Variants in GPC5 observed in about 807,000 individuals in gnomAD.
GPC5 encodes the protein glypican-5.
Under a neutral mutation model 53.9 loss-of-function variants are expected in GPC5, and 47 were observed. The ratio of observed to expected loss-of-function variants is 0.87; its 90% CI spans 0.69 to 1.11. The LOEUF is 1.11. Among genes scored for constraint, GPC5 ranks in the 50% most tolerant of loss-of-function variants. The probability of loss-of-function intolerance (pLI) is 0.00; values close to 1 mark genes in which losing one functional copy is unlikely to be tolerated. For missense variants in GPC5, 748 were observed against 713.1 expected (o/e 1.05, Z -0.56); for synonymous variants, 286 against 263.3 (o/e 1.09, Z -0.84).
chr13:91,666,354 A>G lies in GPC5; in HGVS notation c.326-26833A>G, dbSNP rs867102170. ...ATTTTAAAAACATCTTTAAATGTGG[A>G]TATTTCAAATAATTTAATTATTTTC... is the stretch of plus-strand genomic sequence containing the variant. On this transcript the variant is annotated intron_variant, in intron 2 of 7. Coordinates refer to ENST00000377067, the MANE Select transcript of GPC5 (RefSeq NM_004466.6). 3.3e-5 allele frequency among the ~76,000 whole-genome samples: 5 copies of G among 152,340 alleles called. No homozygotes were observed. In the Middle Eastern group the frequency reaches 0.014, roughly 415 times the overall value.
intron 3 of GPC5, among the ~76,000 whole-genome samples, chr13:91,717,776 C>T (rs574449495): frequency 2.0e-5 from 3 of 152,018 alleles, no homozygotes; most frequent in South Asian, 2.1e-4. Context: ...AGGCTGGTCT[C>T]GAACTCCTGA....
intron 7 of GPC5, among the ~76,000 whole-genome samples, chr13:92,357,345 T>G (rs946071392): frequency 6.6e-6 from 1 of 151,750 alleles, no homozygotes; most frequent in Non-Finnish European, 1.5e-5. Context: ...AGAGTAAAAG[T>G]GTTCCTTTTT....
chr13:92,617,217 G>C (rs543767154), intron 7 of GPC5, among the ~76,000 whole-genome samples: 1 of 152,086 alleles, frequency 6.6e-6, no homozygotes, highest in African/African-American at 2.4e-5. Flanking sequence ...TTCTATCAGA[G>C]GTTGTCCGCT....
intron 2 of GPC5, among the ~76,000 whole-genome samples, chr13:91,490,391 A>C (rs1883877054): frequency 6.6e-6 from 1 of 152,148 alleles, no homozygotes; most frequent in Non-Finnish European, 1.5e-5. Flanking sequence ...AAAGGTAATG[A>C]TTTTGGATCT....
intron 2 of GPC5, among the ~76,000 whole-genome samples, chr13:91,452,080 G>A (rs1881219312): frequency 6.6e-6 from 1 of 152,028 alleles, no homozygotes. Flanking sequence ...AACTTGCCAG[G>A]CTAAAGTGTT....
chr13:92,246,419 G>A (rs1436997972), intron 7 of GPC5, among the ~76,000 whole-genome samples: 7 of 152,076 alleles, frequency 4.6e-5, no homozygotes, highest in African/African-American at 1.7e-4. Flanking sequence ...GTAGGAGGGA[G>A]AATCTTAGCT....
chr13:92,776,320 T>G (rs1875803136), intron 7 of GPC5, among the ~76,000 whole-genome samples: 2 of 152,126 alleles, frequency 1.3e-5, no homozygotes, highest in Non-Finnish European at 2.9e-5. Flanking sequence ...TCTCTCTCTT[T>G]CTTACACATA....
chr13:92,719,154 G>A (rs1190252736), intron 7 of GPC5, among the ~76,000 whole-genome samples: 3 of 151,064 alleles, frequency 2.0e-5, no homozygotes, highest in African/African-American at 4.9e-5. Flanking sequence ...GAAATACATA[G>A]ATGATTCCTA....
At chr13:92,792,917 C>T (rs1409417628) in intron 7 of GPC5, among the ~76,000 whole-genome samples, 1 of 152,100 alleles carries the variant, frequency 6.6e-6, no homozygotes, top group Non-Finnish European at 1.5e-5. Flanking sequence ...GAGACTTAGA[C>T]TCCCACACAA....
chr13:92,199,918 G>T (rs1003687548), intron 7 of GPC5, among the ~76,000 whole-genome samples: 3 of 152,082 alleles, frequency 2.0e-5, no homozygotes, highest in Non-Finnish European at 1.5e-5. Context: ...GTAAAAGCTT[G>T]CAATATACAT....
chr13:92,681,195 A>G (rs1887100258), intron 7 of GPC5, among the ~76,000 whole-genome samples: 1 of 152,080 alleles, frequency 6.6e-6, no homozygotes, highest in Non-Finnish European at 1.5e-5. Context: ...ATCAATTGAT[A>G]AAATAAAAAA....
intron 2 of GPC5, among the ~76,000 whole-genome samples, chr13:91,642,982 A>C (rs957530505): frequency 6.6e-6 from 1 of 152,134 alleles, no homozygotes; most frequent in Non-Finnish European, 1.5e-5. Context: ...TTGCCACATA[A>C]GTACGTTGAG....
intron 6 of GPC5, among the ~76,000 whole-genome samples, chr13:91,956,443 A>G (rs1415115423): frequency 6.6e-6 from 1 of 152,146 alleles, no homozygotes; most frequent in East Asian, 1.9e-4. Flanking sequence ...ATGCCATGTC[A>G]TACTGCCTAG....
At chr13:92,362,459 A>T (rs900205259) in intron 7 of GPC5, among the ~76,000 whole-genome samples, 1 of 151,822 alleles carries the variant, frequency 6.6e-6, no homozygotes, top group Admixed American at 6.5e-5. Context: ...GTCTCCAACA[A>T]GGGAGGCAAA....
At chr13:91,914,513 CA>C (rs1176140019) in intron 6 of GPC5, among the ~76,000 whole-genome samples, 31 of 151,902 alleles carry the variant, frequency 2.0e-4, no homozygotes, top group Non-Finnish European at 1.5e-4. Context: ...TAATCATAAC[CA>C]TTGCTTAAAT....
chr13:92,593,070 AT>A (rs1364934959), intron 7 of GPC5, among the ~76,000 whole-genome samples: 3 of 151,166 alleles, frequency 2.0e-5, no homozygotes, highest in African/African-American at 7.3e-5. Flanking sequence ...AGGTTGAGGG[AT>A]GGGGATGAAC....
chr13:91,558,956 A>G (rs1324904797), intron 2 of GPC5, among the ~76,000 whole-genome samples: 1 of 151,958 alleles, frequency 6.6e-6, no homozygotes, highest in Non-Finnish European at 1.5e-5. Flanking sequence ...TTTCATATTA[A>G]TAGTTAATTT....
chr13:91,713,644 A>G (rs971750935), intron 3 of GPC5, among the ~76,000 whole-genome samples: 5 of 152,070 alleles, frequency 3.3e-5, no homozygotes, highest in Non-Finnish European at 7.4e-5. Flanking sequence ...CCAGCTTTCT[A>G]CTTGACACTT....
intron 7 of GPC5, among the ~76,000 whole-genome samples, chr13:92,250,930 A>C (rs956811582): frequency 2.0e-5 from 3 of 152,112 alleles, no homozygotes; most frequent in African/African-American, 7.2e-5. Context: ...TGTTCGGAAA[A>C]AATGGGCATA....
Sources: gnomAD v4.1 joint callset for allele counts (sites outside exome capture counted in the v4.1 genomes callset) on GRCh38, gnomAD v4.1.1 for gene constraint, MANE v1.5 for transcripts, NCBI Gene and HGNC (gene_info 2026-07-23, HGNC 2026-07-21) for gene names.